NRG1: variants seen among roughly 807,000 people sequenced by gnomAD.
NRG1 encodes the protein pro-neuregulin-1, membrane-bound isoform.
Under a neutral mutation model 63.8 loss-of-function variants are expected in NRG1, and 18 were observed. The ratio of observed to expected loss-of-function variants is 0.28; its 90% confidence interval spans 0.19 to 0.42. NRG1 has a LOEUF of 0.42. Among genes scored for constraint, NRG1 ranks in the 10% least tolerant of loss-of-function variants. The pLI, the probability that NRG1 is intolerant of heterozygous loss-of-function variation, is 1.00. For missense variants in NRG1, 762 were observed against 814.7 expected, an observed-to-expected ratio of 0.94 and a Z score of 0.79; for synonymous variants, 302 against 301.3, an observed-to-expected ratio of 1.00 and a Z score of -0.02.
chr8:31,754,367 C>A (rs1226913594), intron 1 of NRG1, among the ~76,000 whole-genome samples: 1 of 152,050 alleles, frequency 6.6e-6, no homozygotes, highest in Non-Finnish European at 1.5e-5. Flanking sequence ...GAGATCTAGT[C>A]TTTAAAAGCG....
At chr8:32,612,781 C>G (rs751662467) in intron 3 of NRG1, among the ~76,000 whole-genome samples, 1 of 151,922 alleles carries the variant, frequency 6.6e-6, no homozygotes, top group Non-Finnish European at 1.5e-5. Flanking sequence ...TTCTGCCCAG[C>G]TCTAGTTGAG....
chr8:32,393,318 A>G (rs979676480), intron 1 of NRG1, among the ~76,000 whole-genome samples: 3 of 152,198 alleles, frequency 2.0e-5, no homozygotes, highest in African/African-American at 4.8e-5. Context: ...CTGAGTCTCA[A>G]CAGAAGCTTG....
intron 1 of NRG1, among the ~76,000 whole-genome samples, chr8:32,258,007 T>G (rs1849925589): frequency 6.6e-6 from 1 of 152,150 alleles, no homozygotes. Flanking sequence ...CAAGAAGTGT[T>G]GAAAACTCTT....
intron 1 of NRG1, among the ~76,000 whole-genome samples, chr8:32,140,774 C>G (rs1228786568): frequency 6.6e-6 from 1 of 152,130 alleles, no homozygotes; most frequent in Non-Finnish European, 1.5e-5. Context: ...TTTCTCTCTT[C>G]TTTTCTAACT....
At chr8:32,664,483 T>C (rs1444036816) in intron 5 of NRG1, among the ~76,000 whole-genome samples, 1 of 151,998 alleles carries the variant, frequency 6.6e-6, no homozygotes, top group African/African-American at 2.4e-5. Context: ...AGTCGGCCAG[T>C]TGAGTCAGTA....
chr8:32,656,813 A>C (rs1369398895), intron 5 of NRG1, among the ~76,000 whole-genome samples: 1 of 151,564 alleles, frequency 6.6e-6, no homozygotes, highest in Admixed American at 6.6e-5. Flanking sequence ...AAGCTGATGG[A>C]CCCAATAAAA....
At chr8:32,269,137 C>G (rs1173269284) in intron 1 of NRG1, among the ~76,000 whole-genome samples, 1 of 151,744 alleles carries the variant, frequency 6.6e-6, no homozygotes, top group East Asian at 1.9e-4. Context: ...ATTAAATATG[C>G]TCATTATTAG....
intron 1 of NRG1, among the ~76,000 whole-genome samples, chr8:32,131,061 G>A (rs1585523037): frequency 6.6e-6 from 1 of 151,938 alleles, no homozygotes; most frequent in Non-Finnish European, 1.5e-5. Context: ...AGGTTAATTA[G>A]CAAATTAATT....
chr8:32,772,041 GTATATATATATATATATATATATATA>G (rs1157977487), downstream of NRG1, among the ~76,000 whole-genome samples: 6 of 10,558 alleles, frequency 5.7e-4, no homozygotes, highest in African/African-American at 1.6e-3. Context: ...AAAAAAATAT[GTATATATATATATATATATATATATA>G]TATATATATA....
chr8:31,876,188 C>T (rs985689376), intron 1 of NRG1, among the ~76,000 whole-genome samples: 1 of 152,162 alleles, frequency 6.6e-6, no homozygotes, highest in Non-Finnish European at 1.5e-5. Context: ...AAGAGCACAA[C>T]ATTTGTAGTA....
intron 1 of NRG1, among the ~76,000 whole-genome samples, chr8:31,675,797 C>T (rs1807632321): frequency 1.3e-5 from 2 of 152,072 alleles, no homozygotes; most frequent in Non-Finnish European, 2.9e-5. Flanking sequence ...ATTTGGTCCT[C>T]CCATCTCTGT....
At chr8:32,087,066 A>G (rs1434951529) in intron 1 of NRG1, among the ~76,000 whole-genome samples, 1 of 152,094 alleles carries the variant, frequency 6.6e-6, no homozygotes, top group Non-Finnish European at 1.5e-5. Context: ...GGCAACCACC[A>G]TTCATTTTAC....
chr8:32,151,528 A>T (rs976563638), intron 1 of NRG1, among the ~76,000 whole-genome samples: 1 of 152,142 alleles, frequency 6.6e-6, no homozygotes, highest in Non-Finnish European at 1.5e-5. Context: ...AGGTCAGGGC[A>T]GTGGAAGGTT....
intron 2 of NRG1, among the ~76,000 whole-genome samples, chr8:32,598,900 A>G (rs1224073090): frequency 2.0e-5 from 3 of 152,110 alleles, no homozygotes; most frequent in Non-Finnish European, 4.4e-5. Flanking sequence ...TATCCAGTAA[A>G]TATAAGTAGA....
chr8:32,549,431 A>G (rs985983666), intron 1 of NRG1, among the ~76,000 whole-genome samples: 1 of 152,216 alleles, frequency 6.6e-6, no homozygotes, highest in Non-Finnish European at 1.5e-5. Flanking sequence ...GAGCAGCGGC[A>G]GGGATTCCTA....
At chr8:31,955,052 A>G (rs7463463) in intron 1 of NRG1, among the ~76,000 whole-genome samples, 106,295 of 151,976 alleles carry the variant, frequency 0.7, 39,313 homozygotes, top group Non-Finnish European at 0.83. Flanking sequence ...GTGAGATGTC[A>G]CTGCAAAATG....
intron 1 of NRG1, among the ~76,000 whole-genome samples, chr8:32,312,651 C>T (rs1266822323): frequency 6.6e-6 from 1 of 151,984 alleles, no homozygotes; most frequent in Non-Finnish European, 1.5e-5. Context: ...CCGTCTTGCT[C>T]CGTTAGGACT....
intron 1 of NRG1, among the ~76,000 whole-genome samples, chr8:32,358,288 A>C (rs17634051): frequency 0.057 from 8,521 of 150,460 alleles, 311 homozygotes; most frequent in Middle Eastern, 0.099. Flanking sequence ...GAGAGTAAGC[A>C]TTTGTGCATT....
At chr8:32,182,430 A>G (rs542427270) in intron 1 of NRG1, among the ~76,000 whole-genome samples, 1 of 152,150 alleles carries the variant, frequency 6.6e-6, no homozygotes, top group Non-Finnish European at 1.5e-5. Flanking sequence ...TATTTTTAGT[A>G]GAGACAGAGT....
Sources: gnomAD v4.1 joint callset for allele counts (sites outside exome capture counted in the v4.1 genomes callset) on GRCh38, gnomAD v4.1.1 for gene constraint, MANE v1.5 for transcripts, NCBI Gene and HGNC (gene_info 2026-07-23, HGNC 2026-07-21) for gene names.